The following ZFP41 variants were observed in gnomAD, a reference collection of about 807,000 sequenced individuals.
ZFP41 encodes the protein zinc finger protein 41 homolog.
Under a neutral mutation model 11.6 loss-of-function variants are expected in ZFP41, and 10 were observed. The ratio of observed to expected loss-of-function variants is 0.86; its 90% CI spans 0.53 to 1.47. ZFP41 has a LOEUF of 1.47. Among genes scored for constraint, ZFP41 ranks in the 40% most tolerant of loss-of-function variants. ZFP41 has a pLI of 0.00. For missense variants in ZFP41, 302 were observed against 264.6 expected, an observed-to-expected ratio of 1.14 and a Z score of -0.98; for synonymous variants, 123 against 100.9, an observed-to-expected ratio of 1.22 and a Z score of -1.31.
At position 143,250,206 on chromosome 8, in the gene ZFP41, G is replaced by A; in HGVS notation, c.363G>A (p.Gly121=). ...AGCCCTTCAAGTGTGCGCAGTGCGG[G>A]AAGGCCTTCCGGCACAGCTCTGACG... ...GEKPFKCAQC[G]KAFRHSSDVT... Residue 121 remains glycine (G), a synonymous_variant, in exon 2 of 3, where the codon GGG becomes GGA. Coordinates refer to ENST00000330701, the MANE Select transcript of ZFP41 (RefSeq NM_173832.6). The A allele has an allele frequency of 6.2e-7, 1 of 1,614,096 alleles. No homozygotes were observed. The highest frequency in any genetic ancestry group is 1.1e-5 in the South Asian group (1 of 91,082).
At position 143,250,334 on chromosome 8, in the gene ZFP41, C is replaced by T. The variant is rs775559357; in HGVS notation, c.491C>T (p.Thr164Met). The change falls in exon 2 of 3, where the codon ACG (threonine) becomes ATG (methionine). Residue 164 changes from threonine to methionine, a missense_variant. Transcript: ENST00000330701. Reference protein sequence around the residue: ...CGSNLLKHQKTHTGEKPYECT... With the variant: ...CGSNLLKHQKMHTGEKPYECT... ...TCCAATCTCCTGAAACATCAGAAGACGCACACCGGGGAGAAGCCCTACGAA... is the reference window on the plus strand; with the variant it reads ...TCCAATCTCCTGAAACATCAGAAGATGCACACCGGGGAGAAGCCCTACGAA... 15 of 1,613,880 alleles carry T rather than the reference C, an allele frequency of 9.3e-6. No individual in the cohort carries two copies. The highest frequency in any genetic ancestry group is 1.3e-5 in the African/African-American group (1 of 74,928).
intron 2 of ZFP41, among the ~76,000 whole-genome samples, chr8:143,255,703 G>C (rs1488464874): frequency 8.1e-6 from 1 of 124,218 alleles, no homozygotes; most frequent in African/African-American, 3.2e-5. Flanking sequence ...CGCCCCGCGT[G>C]CTGGTGTTAG....
At position 143,250,154 on chromosome 8, in the gene ZFP41, G is replaced by T; in HGVS notation, c.311G>T (p.Arg104Leu). The T allele has an allele frequency of 6.2e-7, 1 of 1,614,110 alleles. No homozygotes were observed. The change falls in exon 2 of 3, where the codon CGC (arginine) becomes CTC (leucine). Residue 104 changes from arginine (R) to leucine (L), a missense_variant. By Grantham distance (102) the Arg-to-Leu change is moderately radical. Transcript: ENST00000330701. The part of the protein sequence containing the change: ...RIFKHKTDHI[R>L]HQRVHTGEKP... ...TTTAAGCACAAGACAGACCACATTC[G>T]CCATCAGAGGGTCCACACTGGAGAG...
rs1252552523 is a variant in ZFP41, at chr8:143,262,197, C to T, written c.*3323C>T. 2 of 160,934 alleles carry T rather than the reference C, an allele frequency of 1.2e-5. No individual in the cohort carries two copies. The highest frequency in any genetic ancestry group is 2.4e-5 in the African/African-American group (1 of 41,522). 10.0% of individuals were successfully genotyped at this position (160,934 alleles called of 1,614,324 possible). ...TGTGAGGAGGGCAGCCCCGTGCTCC[C>T]GTGGCCACCGCTCAGCCAAATGGAT... is the stretch of plus-strand genomic sequence containing the variant. On this transcript the variant is annotated 3_prime_UTR_variant, in exon 3 of 3. Coordinates refer to ENST00000330701, the MANE Select transcript of ZFP41 (RefSeq NM_173832.6).
In ZFP41 at chr8:143,260,303, A is replaced by C. The variant is rs1381787619; in HGVS notation, c.*1429A>C. 2 of 153,298 alleles carry C rather than the reference A, an allele frequency of 1.3e-5. No homozygotes were observed. Among genetic ancestry groups the C allele is most frequent in the Non-Finnish European group, 2.9e-5 (2 of 68,708 alleles). 9.5% of individuals were successfully genotyped at this position (153,298 alleles called of 1,614,324 possible). A position where few individuals can be genotyped will look rare whatever the true frequency, so the allele number is the denominator to read the frequency against. On this transcript the variant is annotated 3_prime_UTR_variant, in exon 3 of 3. Transcript: ENST00000330701. ...TTTCTTCAAAGGTCAAAACCATCAC[A>C]GTGGGCAACTTTACACCCCAGTGTT...
rs914060368 is a variant in ZFP41, at chr8:143,262,000, C to T, written c.*3126C>T. Reference sequence around the variant, plus strand: ...CGCACCCGCACCCCTGCACCTGCCACGCCCGTCTCCGGCAGCCCCTGCCTG... The same window carrying T: ...CGCACCCGCACCCCTGCACCTGCCATGCCCGTCTCCGGCAGCCCCTGCCTG... On this transcript the variant is annotated 3_prime_UTR_variant, in exon 3 of 3. Coordinates refer to ENST00000330701, the MANE Select transcript of ZFP41 (RefSeq NM_173832.6). 1.3e-5 allele frequency: 3 copies of T among 223,752 alleles called. No individual in the cohort carries two copies. The highest frequency in any genetic ancestry group is 6.4e-5 in the Admixed American group (1 of 15,616). The allele number at this position is 223,752 out of a possible 1,614,324, so 13.9% of individuals were successfully genotyped here. A position where few individuals can be genotyped will look rare whatever the true frequency, so the allele number is the denominator to read the frequency against.
intron 2 of ZFP41, chr8:143,253,643 C>T (rs937310011): frequency 1.3e-5 from 2 of 152,226 alleles, no homozygotes; most frequent in Admixed American, 6.5e-5. Flanking sequence ...AGGGTGCATT[C>T]GAGCTCCTGG....
rs1202898421 is a variant in ZFP41, at chr8:143,246,961, C to T, written c.-336C>T. ...GGCATTTCCTGCCGGTGCCTAGGGC[C>T]GACGGGGACGCTGGCACTGGTGGGG... is the stretch of plus-strand genomic sequence containing the variant. On this transcript the variant is annotated 5_prime_UTR_variant, in exon 1 of 3. Coordinates refer to ENST00000330701, the MANE Select transcript of ZFP41 (RefSeq NM_173832.6). 1 of 152,386 alleles carries T rather than the reference C, an allele frequency of 6.6e-6. No homozygotes were observed. The highest frequency in any genetic ancestry group is 1.9e-4 in the East Asian group (1 of 5,180). 9.4% of individuals were successfully genotyped at this position (152,386 alleles called of 1,614,324 possible). A position where few individuals can be genotyped will look rare whatever the true frequency, so the allele number is the denominator to read the frequency against.
At chr8:143,257,655 A>G (rs1229221276) in intron 2 of ZFP41, among the ~76,000 whole-genome samples, 1 of 152,216 alleles carries the variant, frequency 6.6e-6, no homozygotes, top group Non-Finnish European at 1.5e-5. Flanking sequence ...AAAGGAGCAA[A>G]TCACCCATCA....
At chr8:143,251,792 G>A (rs1209043489) in intron 2 of ZFP41, among the ~76,000 whole-genome samples, 2 of 152,214 alleles carry the variant, frequency 1.3e-5, no homozygotes, top group African/African-American at 4.8e-5. Context: ...GTCTGTGTAG[G>A]CCCCATACCA....
intron 2 of ZFP41, chr8:143,252,638 A>G (rs1182485122): frequency 1.3e-5 from 13 of 985,016 alleles, no homozygotes; most frequent in South Asian, 9.4e-5. Context: ...CGTGGTCCCA[A>G]TGGGGGTAGG....
chr8:143,255,067 C>T (rs567556063), intron 2 of ZFP41, among the ~76,000 whole-genome samples: 6 of 152,314 alleles, frequency 3.9e-5, no homozygotes, highest in Admixed American at 2.0e-4. Flanking sequence ...CCCACAGAGA[C>T]GCCTGCAGCA....
Position 143,259,105 on chromosome 8 carries a change from C to A in ZFP41, c.*901-670C>A, listed in dbSNP as rs114443141. On this transcript the variant is annotated intron_variant, in intron 2 of 2. Coordinates refer to ENST00000330701, the MANE Select transcript of ZFP41 (RefSeq NM_173832.6). ...AGCCGGAAAGAACCCAAATGCCTGTCGGTAGCGAAGCGGGTAAATCATGGT... is the reference window on the plus strand; with the variant it reads ...AGCCGGAAAGAACCCAAATGCCTGTAGGTAGCGAAGCGGGTAAATCATGGT... Among the ~76,000 whole-genome samples, 1,115 of 152,344 alleles carry A rather than the reference C, an allele frequency of 7.3e-3. 10 individuals are homozygous for A. Among genetic ancestry groups the A allele is most frequent in the African/African-American group, 0.024 (999 of 41,572 alleles).
At chr8:143,258,610 T>C (rs1814966021) in intron 2 of ZFP41, among the ~76,000 whole-genome samples, 1 of 152,158 alleles carries the variant, frequency 6.6e-6, no homozygotes, top group Non-Finnish European at 1.5e-5. Context: ...ATGTGCAGCA[T>C]TCATAGGAAC....
Position 143,249,805 on chromosome 8 carries a change from A to G in ZFP41, c.-39A>G, listed in dbSNP as rs369257949. Reference sequence around the variant, plus strand: ...AGGAAGTGGGGCCAACAGAGAGGTCAGCAGCCCCTTAGCCCTCACGCTTCC... The same window carrying G: ...AGGAAGTGGGGCCAACAGAGAGGTCGGCAGCCCCTTAGCCCTCACGCTTCC... On this transcript the variant is annotated 5_prime_UTR_variant, in exon 2 of 3. Transcript: ENST00000330701. 2.6e-6 allele frequency: 4 copies of G among 1,532,988 alleles called. No individual in the cohort carries two copies. The African/African-American group carries it at 4.2e-5, about 16-fold the overall frequency. The allele number at this position is 1,532,988 out of a possible 1,614,324, so 95.0% of individuals were successfully genotyped here. A position where few individuals can be genotyped will look rare whatever the true frequency, so the allele number is the denominator to read the frequency against.
In ZFP41 at chr8:143,251,966, G is replaced by A. The variant is rs145012899; in HGVS notation, c.*900+626G>A. On this transcript the variant is annotated intron_variant, in intron 2 of 2. Transcript: ENST00000330701. ...GCTCCTGCTGCTGGCCTGGACAGAG[G>A]AGCCTGTTCCATGGCAGGGGGTCCT... 1.8e-4 allele frequency among the ~76,000 whole-genome samples: 27 copies of A among 152,312 alleles called. No individual in the cohort carries two copies. In the East Asian group the frequency reaches 4.4e-3, roughly 25 times the overall value.
chr8:143,257,962 A>C (rs115247261), intron 2 of ZFP41, among the ~76,000 whole-genome samples: 2,507 of 152,354 alleles, frequency 0.016, 65 homozygotes, highest in African/African-American at 0.058. Context: ...TATTTTCTGA[A>C]GTGAGTGTAA....
rs1019780895 is a variant in ZFP41 at position 143,250,237 on chromosome 8, A to C, written c.394A>C (p.Lys132Gln). The C allele has an allele frequency of 6.2e-7, 1 of 1,613,974 alleles. No homozygotes were observed. Among genetic ancestry groups the C allele is most frequent in the Non-Finnish European group, 8.5e-7 (1 of 1,180,030 alleles). ...KAFRHSSDVT[K>Q]HQRTHTGEKP... is the part of the protein sequence containing the mutation. ...CTTCCGGCACAGCTCTGACGTCACC[A>C]AACACCAGAGGACTCACACGGGAGA... The change falls in exon 2 of 3, where the codon AAA becomes CAA. Residue 132 changes from lysine to glutamine, a missense_variant. Coordinates refer to ENST00000330701, the MANE Select transcript of ZFP41 (RefSeq NM_173832.6).
rs774106973 is a variant in ZFP41 at position 143,250,185 on chromosome 8, C to T, written c.342C>T (p.Pro114=). The change falls in exon 2 of 3, where the codon CCC becomes CCT. Residue 114 remains proline, a synonymous_variant. Transcript: ENST00000330701. ...RHQRVHTGEK[P]FKCAQCGKAF... is the part of the protein sequence containing the mutation. ...AGAGGGTCCACACTGGAGAGAAGCC[C>T]TTCAAGTGTGCGCAGTGCGGGAAGG... 6.2e-6 allele frequency: 10 copies of T among 1,614,100 alleles called. No individual in the cohort carries two copies. Among genetic ancestry groups the T allele is most frequent in the Admixed American group, 1.7e-5 (1 of 60,016 alleles).
Sources: allele counts gnomAD v4.1 joint callset (sites outside exome capture counted in the v4.1 genomes callset), GRCh38; gene constraint gnomAD v4.1.1; transcripts MANE v1.5; gene names NCBI Gene and HGNC (gene_info 2026-07-23, HGNC 2026-07-21).